The following TMEM74 variants were observed in gnomAD, a reference collection of about 807,000 sequenced individuals.
TMEM74 encodes the protein transmembrane protein 74.
In TMEM74, 13 loss-of-function variants were observed where a neutral mutation model predicts 18.1. That is an observed-to-expected ratio of 0.72 (90% confidence interval 0.47 to 1.14). The LOEUF (loss-of-function observed/expected upper bound fraction) is 1.14, where lower values mean the gene tolerates loss of function less well. Among genes scored for constraint, TMEM74 ranks in the 50% most tolerant of loss-of-function variants. The pLI is 0.00. For missense variants in TMEM74, 372 were observed against 375.9 expected (o/e 0.99, Z 0.09); for synonymous variants, 159 against 146.6 (o/e 1.08, Z -0.61).
rs574071452 is a variant in TMEM74 at position 108,613,040 on chromosome 8, A to G, written n.265-4214T>C. On this transcript the variant is annotated intron_variant and non_coding_transcript_variant, in intron 2 of 3. Coordinates refer to the TMEM74 transcript ENST00000518838. ...ATTATAAAAATAAAGAATTCAAAGAAAAAAAGCAGTATTTGATTGAGTTGG... is the reference window on the plus strand; with the variant it reads ...ATTATAAAAATAAAGAATTCAAAGAGAAAAAGCAGTATTTGATTGAGTTGG... Among the ~76,000 whole-genome samples the G allele has an allele frequency of 1.7e-4, 26 of 152,310 alleles. No homozygotes were observed. In the South Asian group the frequency reaches 5.4e-3, roughly 32 times the overall value.
At chr8:108,728,588 G>T (rs868604060) in intron 1 of TMEM74, among the ~76,000 whole-genome samples, 1 of 152,074 alleles carries the variant, frequency 6.6e-6, no homozygotes, top group African/African-American at 2.4e-5. Flanking sequence ...CTGATTTATT[G>T]CTATTCATTC....
Position 108,784,465 on chromosome 8 carries a change from G to A in TMEM74, c.634C>T (p.Arg212Trp), listed in dbSNP as rs1241549905. 4 of 1,614,092 alleles carry A rather than the reference G, an allele frequency of 2.5e-6. No homozygotes were observed. The highest frequency in any genetic ancestry group is 1.7e-5 in the Admixed American group (1 of 60,016). Residue 212 changes from arginine to tryptophan, a missense_variant, in exon 2 of 2, where the codon CGG becomes TGG. Physicochemically the swap from Arg to Trp is moderately radical, Grantham distance 101. Transcript: ENST00000297459. ...VTVDPNTVAAREMERLEKESA... is the reference protein window; with the variant it reads ...VTVDPNTVAAWEMERLEKESA... ...TCCTTCTCCAGGCGCTCCATCTCCC[G>A]GGCTGCCACAGTGTTGGGGTCCACA...
chr8:108,736,964 C>G (rs532213652), intron 1 of TMEM74, among the ~76,000 whole-genome samples: 1 of 152,208 alleles, frequency 6.6e-6, no homozygotes, highest in African/African-American at 2.4e-5. Flanking sequence ...CTATAGATGC[C>G]TTTTGGTCAG....
chr8:108,771,116 C>A (rs1326376782), intron 1 of TMEM74, among the ~76,000 whole-genome samples: 1 of 152,138 alleles, frequency 6.6e-6, no homozygotes, highest in Non-Finnish European at 1.5e-5. Flanking sequence ...TTACTATTTT[C>A]TCTAATTAGG....
intron 1 of TMEM74, among the ~76,000 whole-genome samples, chr8:108,666,580 A>G (rs1812951489): frequency 1.3e-5 from 2 of 152,280 alleles, no homozygotes; most frequent in Non-Finnish European, 1.5e-5. Context: ...TACAAGACTC[A>G]TGCTAATGTA....
chr8:108,625,353 A>C (rs1184168901), intron 2 of TMEM74, among the ~76,000 whole-genome samples: 2 of 152,076 alleles, frequency 1.3e-5, no homozygotes, highest in Non-Finnish European at 2.9e-5. Flanking sequence ...ACAAATCAAA[A>C]TGTGATGAGG....
chr8:108,712,191 A>C (rs540413114), intron 1 of TMEM74, among the ~76,000 whole-genome samples: 1 of 152,272 alleles, frequency 6.6e-6, no homozygotes, highest in South Asian at 2.1e-4. Context: ...CCAGGGCGTA[A>C]TAAGACACTG....
At chr8:108,771,493 T>A (rs573709577) in intron 1 of TMEM74, among the ~76,000 whole-genome samples, 3 of 152,298 alleles carry the variant, frequency 2.0e-5, no homozygotes, top group African/African-American at 7.2e-5. Flanking sequence ...CTGTTTATAT[T>A]TCAATATGTT....
rs139984916 is a variant in TMEM74 at position 108,705,817 on chromosome 8, A to G, written n.120-50380T>C. 3.0e-3 allele frequency among the ~76,000 whole-genome samples: 454 copies of G among 152,352 alleles called. 3 individuals carry two copies. The highest frequency in any genetic ancestry group is 9.5e-3 in the African/African-American group (393 of 41,582). ...GTTCAGTGAGAGTGTTGTATCAACA[A>G]TCACAGATACTCTCATTAGAGATGC... On this transcript the variant is annotated intron_variant and non_coding_transcript_variant, in intron 1 of 3. Transcript: ENST00000518838.
intron 1 of TMEM74, among the ~76,000 whole-genome samples, chr8:108,736,570 T>C (rs975810178): frequency 6.6e-6 from 1 of 152,046 alleles, no homozygotes; most frequent in Non-Finnish European, 1.5e-5. Flanking sequence ...ATGTGAAACA[T>C]TCAAACTAAG....
intron 2 of TMEM74, among the ~76,000 whole-genome samples, chr8:108,652,125 A>C (rs202216480): frequency 6.6e-6 from 1 of 152,110 alleles, no homozygotes; most frequent in African/African-American, 2.4e-5. Context: ...ACTCGCATTA[A>C]CTCTTTCAAT....
At chr8:108,630,161 C>CA (rs370926449) in intron 2 of TMEM74, among the ~76,000 whole-genome samples, 27 of 148,042 alleles carry the variant, frequency 1.8e-4, no homozygotes, top group South Asian at 4.3e-4. Context: ...AAATGGAAAG[C>CA]AAAAAAAAAG....
intron 1 of TMEM74, among the ~76,000 whole-genome samples, chr8:108,704,161 G>T (rs1276072935): frequency 1.3e-5 from 2 of 152,194 alleles, no homozygotes; most frequent in African/African-American, 4.8e-5. Flanking sequence ...AGAGAAGAGA[G>T]TTAGTAATAA....
chr8:108,774,318 C>T (rs139012007), downstream of TMEM74, among the ~76,000 whole-genome samples: 8 of 152,270 alleles, frequency 5.3e-5, no homozygotes, highest in East Asian at 1.4e-3. Flanking sequence ...AAACCTTCCA[C>T]AAAATCTCCA....
intron 1 of TMEM74, among the ~76,000 whole-genome samples, chr8:108,692,804 AT>A (rs1813244003): frequency 6.6e-6 from 1 of 152,180 alleles, no homozygotes; most frequent in Non-Finnish European, 1.5e-5. Flanking sequence ...CACATTTGCA[AT>A]TTTATACTTA....
chr8:108,684,693 G>GT (rs34098450), intron 1 of TMEM74, among the ~76,000 whole-genome samples: 63,927 of 147,130 alleles, frequency 0.43, 13,994 homozygotes, highest in East Asian at 0.68. Flanking sequence ...TTTTCTAATA[G>GT]TTTTTTTTTT....
chr8:108,757,868 G>A (rs1387482461), intron 1 of TMEM74, among the ~76,000 whole-genome samples: 1 of 151,888 alleles, frequency 6.6e-6, no homozygotes, highest in Non-Finnish European at 1.5e-5. Flanking sequence ...ATACTATTAT[G>A]TTTCTCACTG....
chr8:108,730,856 C>T (rs1393471712), intron 1 of TMEM74, among the ~76,000 whole-genome samples: 3 of 152,096 alleles, frequency 2.0e-5, no homozygotes, highest in South Asian at 2.1e-4. Context: ...TGGTCTCGAT[C>T]TCTTGACCTT....
chr8:108,661,758 C>CTGGG (rs1812902053), intron 1 of TMEM74, among the ~76,000 whole-genome samples: 1 of 152,048 alleles, frequency 6.6e-6, no homozygotes, highest in African/African-American at 2.4e-5. Flanking sequence ...AGCCTCCTTT[C>CTGGG]TGGGTAGGTG....
Sources: allele counts gnomAD v4.1 joint callset (sites outside exome capture counted in the v4.1 genomes callset), GRCh38; gene constraint gnomAD v4.1.1; transcripts MANE v1.5; gene names NCBI Gene and HGNC (gene_info 2026-07-23, HGNC 2026-07-21).